EFCAB13: variants seen among roughly 807,000 people sequenced by gnomAD.
EFCAB13 encodes EF-hand calcium binding domain 13, also known as EF-hand calcium-binding domain-containing protein 13.
Under a neutral mutation model 110.2 loss-of-function variants are expected in EFCAB13, and 91 were observed. The observed-to-expected ratio is 0.83, with a 90% confidence interval of 0.70 to 0.98. The LOEUF (loss-of-function observed/expected upper bound fraction) is 0.98, where lower values mean the gene tolerates loss of function less well. Among genes scored for constraint, EFCAB13 ranks in the 50% least tolerant of loss-of-function variants. The pLI is 0.00. For missense variants in EFCAB13, 968 were observed against 1,119.4 expected (o/e 0.86, Z 1.93); for synonymous variants, 323 against 369.9 (o/e 0.87, Z 1.45).
At position 47,351,799 on chromosome 17, in the gene EFCAB13, T is replaced by C. The variant is rs533660203; in HGVS notation, c.661+3848T>C. On this transcript the variant is annotated intron_variant, in intron 9 of 24. Coordinates refer to ENST00000331493, the MANE Select transcript of EFCAB13 (RefSeq NM_152347.5). ...AAGCTTTTTAGTTTAGTTGTCTCAT[T>C]TGTCTTTTTTTGTTGTTGTTGCTTG... 2.0e-5 allele frequency among the ~76,000 whole-genome samples: 3 copies of C among 152,198 alleles called. No individual in the cohort carries two copies. The South Asian group carries it at 6.2e-4, about 32-fold the overall frequency.
At chr17:47,425,969 A>T (rs546123324) in intron 23 of EFCAB13, among the ~76,000 whole-genome samples, 53 of 152,230 alleles carry the variant, frequency 3.5e-4, no homozygotes, top group Admixed American at 1.2e-3. Flanking sequence ...CAAAGCTATT[A>T]ACATAATGAA....
rs528532287 is a variant in EFCAB13, at chr17:47,386,533, C to T, written c.1583-4904C>T. Among the ~76,000 whole-genome samples the T allele has an allele frequency of 1.1e-3, 161 of 152,240 alleles. 1 individual carries two copies. The highest frequency in any genetic ancestry group is 3.6e-3 in the African/African-American group (151 of 41,540). On this transcript the variant is annotated intron_variant, in intron 14 of 24. Transcript: ENST00000331493. ...TGACTTCAGACTGCTGTGCTGGTAGCGAGAATTTTAACCCAGTGGTTCTTA... is the reference window on the plus strand; with the variant it reads ...TGACTTCAGACTGCTGTGCTGGTAGTGAGAATTTTAACCCAGTGGTTCTTA...
chr17:47,420,564 A>G (rs1904629923), intron 23 of EFCAB13, among the ~76,000 whole-genome samples: 1 of 130,268 alleles, frequency 7.7e-6, no homozygotes, highest in East Asian at 2.4e-4. Flanking sequence ...CCGGCCGCCC[A>G]TCGTCTGAGA....
chr17:47,362,382 G>A (rs2065519362), intron 10 of EFCAB13, among the ~76,000 whole-genome samples: 1 of 152,082 alleles, frequency 6.6e-6, no homozygotes, highest in Non-Finnish European at 1.5e-5. Flanking sequence ...AGGGCTCCTT[G>A]GTCTACCGGT....
At chr17:47,424,896 T>TTTTTTTTTTTTTTTTTTTTTTTTTTG (rs1567807243) in intron 23 of EFCAB13, among the ~76,000 whole-genome samples, 1 of 84,482 alleles carries the variant, frequency 1.2e-5, no homozygotes, top group African/African-American at 6.0e-5. Context: ...TTTTTTTTTT[T>TTTTTTTTTTTTTTTTTTTTTTTTTTG]TTTTGAGACG....
At chr17:47,375,919 A>G (rs2065612974) in intron 12 of EFCAB13, among the ~76,000 whole-genome samples, 1 of 152,152 alleles carries the variant, frequency 6.6e-6, no homozygotes, top group Non-Finnish European at 1.5e-5. Context: ...AATACTATAT[A>G]TCTAGGGCTC....
At chr17:47,336,883 A>T (rs946239894) in intron 5 of EFCAB13, among the ~76,000 whole-genome samples, 4 of 151,552 alleles carry the variant, frequency 2.6e-5, no homozygotes, top group East Asian at 1.9e-4. Flanking sequence ...ACTAAAAAAT[A>T]AAAAAAAATC....
At position 47,412,830 on chromosome 17, in the gene EFCAB13, C is replaced by A. The variant is rs2065842990; in HGVS notation, c.2336C>A (p.Pro779His). ...GTCGATAATGGCAAGATTGGTATAC[C>A]TGATTTGGAGCATGCCTTGAAATGT... ...SHVDNGKIGIPDLEHALKCLN... is the reference protein window; with the variant it reads ...SHVDNGKIGIHDLEHALKCLN... The change falls in exon 22 of 25, where the codon CCT (proline) becomes CAT (histidine). Residue 779 changes from proline (P) to histidine (H), a missense_variant. Physicochemically the swap from Pro to His is moderately conservative, Grantham distance 77 (BLOSUM62 -2). Transcript: ENST00000331493. 1.2e-6 allele frequency: 2 copies of A among 1,613,490 alleles called. No individual in the cohort carries two copies. Among genetic ancestry groups the A allele is most frequent in the African/African-American group, 2.7e-5 (2 of 74,884 alleles).
intron 5 of EFCAB13, among the ~76,000 whole-genome samples, chr17:47,340,240 T>A (rs557291922): frequency 7.7e-4 from 117 of 151,930 alleles, no homozygotes; most frequent in African/African-American, 2.7e-3. Context: ...TTTTTTTTTT[T>A]AAAGTCAGTT....
chr17:47,437,632 CTT>C (rs1567810172), intron 24 of EFCAB13, among the ~76,000 whole-genome samples: 3 of 152,180 alleles, frequency 2.0e-5, no homozygotes, highest in Admixed American at 2.0e-4. Context: ...CACCCCTTTA[CTT>C]TAAGTTTATT....
intron 9 of EFCAB13, among the ~76,000 whole-genome samples, chr17:47,355,855 GCCACTGCACCCAGCAGTGCTGGGTGC>G: frequency 6.6e-6 from 1 of 152,098 alleles, no homozygotes; most frequent in South Asian, 2.1e-4. Context: ...ACTGGCATGA[GCCACTGCACCCAGCAGTGCTGGGTGC>G]ATTCATTTTA....
chr17:47,377,074 T>C (rs2065619523), intron 12 of EFCAB13, among the ~76,000 whole-genome samples: 1 of 152,182 alleles, frequency 6.6e-6, no homozygotes, highest in Admixed American at 6.5e-5. Context: ...AGTAAATTAA[T>C]GGGAGGGTGA....
intron 21 of EFCAB13, 113 bp downstream of exon 21, chr17:47,409,804 C>T: frequency 9.8e-6 from 8 of 817,638 alleles, no homozygotes; most frequent in Non-Finnish European, 1.2e-5. Flanking sequence ...AGCCAGATTA[C>T]TATTTTTCCA....
At chr17:47,430,253 A>G (rs1402602316) in intron 24 of EFCAB13, 5 of 1,025,434 alleles carry the variant, frequency 4.9e-6, no homozygotes, top group Non-Finnish European at 5.8e-6. Flanking sequence ...AATGCCATCC[A>G]TAGAGTAAAA....
At chr17:47,401,887 A>G (rs897845061) in intron 17 of EFCAB13, among the ~76,000 whole-genome samples, 1 of 151,830 alleles carries the variant, frequency 6.6e-6, no homozygotes. Context: ...CTCATGGTCC[A>G]CCCACCTCAG....
intron 17 of EFCAB13, among the ~76,000 whole-genome samples, chr17:47,401,924 G>A (rs898866805): frequency 7.2e-5 from 11 of 151,964 alleles, no homozygotes; most frequent in Non-Finnish European, 1.0e-4. Flanking sequence ...GATTACAGGC[G>A]TGAGCCACCA....
intron 14 of EFCAB13, among the ~76,000 whole-genome samples, chr17:47,383,925 T>C (rs1445948119): frequency 6.6e-6 from 1 of 152,188 alleles, no homozygotes; most frequent in Non-Finnish European, 1.5e-5. Context: ...CTGTCGACTA[T>C]TGATAGTGGG....
intron 23 of EFCAB13, among the ~76,000 whole-genome samples, chr17:47,417,662 GA>G (rs1254408696): frequency 1.3e-5 from 2 of 152,112 alleles, no homozygotes; most frequent in African/African-American, 4.8e-5. Flanking sequence ...GTCATATCTT[GA>G]AACCTTTCAC....
At chr17:47,397,380 C>T (rs1280148264) in intron 17 of EFCAB13, among the ~76,000 whole-genome samples, 15 of 152,010 alleles carry the variant, frequency 9.9e-5, no homozygotes, top group Non-Finnish European at 1.5e-4. Flanking sequence ...ACCTCCCAGC[C>T]GCCTGCCTTG....
Sources: allele counts gnomAD v4.1 joint callset (sites outside exome capture counted in the v4.1 genomes callset), GRCh38; gene constraint gnomAD v4.1.1; transcripts MANE v1.5; gene names NCBI Gene and HGNC (gene_info 2026-07-23, HGNC 2026-07-21).